SLIT3: variants seen among roughly 807,000 people sequenced by gnomAD.
SLIT3 encodes slit guidance ligand 3, also known as slit homolog 3 protein.
Under a neutral mutation model 184.0 loss-of-function variants are expected in SLIT3, and 68 were observed. That is an observed-to-expected ratio of 0.37 (90% CI 0.30 to 0.45). The LOEUF is 0.45. Ranked by LOEUF, SLIT3 falls within the 20% of genes least tolerant of loss-of-function variation. The pLI is 1.00. For synonymous variants in SLIT3, 831 were observed against 828.6 expected (o/e 1.00, Z -0.05); for missense variants, 1,707 against 2,026.0 (o/e 0.84, Z 3.02).
chr5:169,142,582 T>C (rs551920667), intron 4 of SLIT3, among the ~76,000 whole-genome samples: 1 of 152,306 alleles, frequency 6.6e-6, no homozygotes, highest in East Asian at 1.9e-4. Flanking sequence ...AGTCAAACTA[T>C]GGTGCGCCAC....
intron 5 of SLIT3, among the ~76,000 whole-genome samples, chr5:168,856,766 C>CGTGTAT (rs1554149427): frequency 2.6e-4 from 35 of 132,932 alleles, no homozygotes; most frequent in African/African-American, 9.5e-4. Context: ...CTGAGTTCCT[C>CGTGTAT]GTGTGTGTGT....
chr5:168,861,177 T>C (rs1372272660), intron 5 of SLIT3, among the ~76,000 whole-genome samples: 1 of 152,220 alleles, frequency 6.6e-6, no homozygotes, highest in Non-Finnish European at 1.5e-5. Context: ...TACATATGTA[T>C]ACATGTGCCA....
chr5:168,740,657 C>G (rs752328490), intron 20 of SLIT3, among the ~76,000 whole-genome samples: 30 of 152,282 alleles, frequency 2.0e-4, no homozygotes, highest in Admixed American at 8.5e-4. Flanking sequence ...CCCTCCACCC[C>G]AGGAAGACGG....
intron 4 of SLIT3, among the ~76,000 whole-genome samples, chr5:168,957,547 A>C (rs1275769707): frequency 6.6e-6 from 1 of 152,170 alleles, no homozygotes; most frequent in Non-Finnish European, 1.5e-5. Context: ...CATTTCTGGC[A>C]AGCTCAGGTG....
At chr5:169,060,636 G>A (rs891667576) in intron 4 of SLIT3, among the ~76,000 whole-genome samples, 9 of 152,186 alleles carry the variant, frequency 5.9e-5, no homozygotes, top group Admixed American at 5.2e-4. Context: ...CAGGCTCTAT[G>A]TCTCCTCTTC....
chr5:168,825,194 T>G (rs1185699986), intron 6 of SLIT3, among the ~76,000 whole-genome samples: 1 of 152,178 alleles, frequency 6.6e-6, no homozygotes, highest in African/African-American at 2.4e-5. Context: ...ATGGAGAGAA[T>G]CTAGTCCTGG....
intron 5 of SLIT3, among the ~76,000 whole-genome samples, chr5:168,873,241 A>G (rs1299005344): frequency 6.6e-6 from 1 of 151,916 alleles, no homozygotes; most frequent in Non-Finnish European, 1.5e-5. Context: ...GCCTTGGGAG[A>G]GTTTCTGAAT....
chr5:169,134,070 C>T (rs1297503837), intron 4 of SLIT3, among the ~76,000 whole-genome samples: 2 of 152,166 alleles, frequency 1.3e-5, no homozygotes, highest in Non-Finnish European at 2.9e-5. Flanking sequence ...AGCTTTGGGC[C>T]ATTGCAAAGG....
At chr5:169,056,913 C>A (rs921977416) in intron 4 of SLIT3, among the ~76,000 whole-genome samples, 1 of 152,206 alleles carries the variant, frequency 6.6e-6, no homozygotes, top group Admixed American at 6.5e-5. Context: ...GCTGTGTGAC[C>A]TTGCTGGGTC....
At chr5:168,735,657 TAG>T (rs1209367798) in intron 20 of SLIT3, among the ~76,000 whole-genome samples, 4 of 114,644 alleles carry the variant, frequency 3.5e-5, no homozygotes, top group East Asian at 4.9e-4. Context: ...TATAGACAGA[TAG>T]ATACACACAC....
intron 19 of SLIT3, among the ~76,000 whole-genome samples, chr5:168,748,967 T>C (rs1387620052): frequency 1.3e-5 from 2 of 152,218 alleles, no homozygotes; most frequent in Admixed American, 1.3e-4. Context: ...CAGATATCCA[T>C]ATCCCCAGCC....
intron 20 of SLIT3, among the ~76,000 whole-genome samples, chr5:168,738,927 G>C (rs1763524573): frequency 2.1e-5 from 2 of 93,914 alleles, no homozygotes; most frequent in Admixed American, 3.2e-4. Context: ...GAAAGAGCAA[G>C]ACTCCATCTC....
intron 3 of SLIT3, among the ~76,000 whole-genome samples, chr5:169,204,858 C>A (rs554813007): frequency 1.3e-5 from 2 of 152,260 alleles, no homozygotes; most frequent in East Asian, 3.9e-4. Flanking sequence ...GGTTGCCGGG[C>A]GGCAGCCAAT....
At chr5:168,866,112 C>T (rs1209690117) in intron 5 of SLIT3, among the ~76,000 whole-genome samples, 8 of 152,202 alleles carry the variant, frequency 5.3e-5, no homozygotes, top group Non-Finnish European at 1.2e-4. Context: ...GTGGATTAAA[C>T]TGGCCCGGGA....
intron 4 of SLIT3, among the ~76,000 whole-genome samples, chr5:169,137,802 C>T (rs375968593): frequency 1.3e-5 from 2 of 151,984 alleles, no homozygotes; most frequent in African/African-American, 4.8e-5. Flanking sequence ...GCCAAACACG[C>T]AGTCCCTCAC....
chr5:168,804,680 G>T (rs990738497), intron 9 of SLIT3, among the ~76,000 whole-genome samples: 4 of 152,226 alleles, frequency 2.6e-5, no homozygotes, highest in Admixed American at 6.5e-5. Flanking sequence ...CGGAGGCATG[G>T]GTTGTGTCTA....
At chr5:168,833,089 T>C (rs539971848) in intron 6 of SLIT3, among the ~76,000 whole-genome samples, 2 of 152,348 alleles carry the variant, frequency 1.3e-5, no homozygotes, top group East Asian at 3.9e-4. Context: ...CCATCATTAC[T>C]TGGGGACAAA....
At chr5:169,220,467 CAAAT>C in intron 3 of SLIT3, among the ~76,000 whole-genome samples, 1 of 151,960 alleles carries the variant, frequency 6.6e-6, no homozygotes, top group East Asian at 1.9e-4. Context: ...TTAATCACAC[CAAAT>C]AAATGATTCT....
intron 26 of SLIT3, among the ~76,000 whole-genome samples, chr5:168,703,576 C>T (rs73322471): frequency 0.05 from 7,584 of 152,046 alleles, 611 homozygotes; most frequent in African/African-American, 0.17. Context: ...ATCCTGAGAC[C>T]ATGCCCACCA....
Sources: allele counts gnomAD v4.1 joint callset (sites outside exome capture counted in the v4.1 genomes callset), GRCh38; gene constraint gnomAD v4.1.1; transcripts MANE v1.5; gene names NCBI Gene and HGNC (gene_info 2026-07-23, HGNC 2026-07-21).